The following CDH13 variants were observed in gnomAD, a reference collection of about 807,000 sequenced individuals.
CDH13 encodes cadherin 13.
Under a neutral mutation model 63.8 loss-of-function variants are expected in CDH13, and 24 were observed. That is an observed-to-expected ratio of 0.38 (90% CI 0.27 to 0.53). CDH13 has a LOEUF of 0.53. Ranked by LOEUF, CDH13 falls within the 20% of genes least tolerant of loss-of-function variation. The probability of loss-of-function intolerance (pLI) is 0.85; values close to 1 mark genes in which losing one functional copy is unlikely to be tolerated. For missense variants in CDH13, 1,049 were observed against 903.1 expected (o/e 1.16, Z -2.07); for synonymous variants, 503 against 355.3 (o/e 1.42, Z -4.67).
chr16:83,032,250 A>G, intron 3 of CDH13, 32 bp downstream of exon 3: 1 of 1,559,818 alleles, frequency 6.4e-7, no homozygotes, highest in Non-Finnish European at 8.8e-7. Context: ...ACTTGGGTTC[A>G]AGGAGGACAT....
intron 3 of CDH13, among the ~76,000 whole-genome samples, chr16:83,072,396 C>A (rs2032505541): frequency 6.6e-6 from 1 of 152,152 alleles, no homozygotes; most frequent in South Asian, 2.1e-4. Flanking sequence ...ACAATATGAT[C>A]CTGTCTTCCA....
At chr16:82,816,695 A>AAAACGAGG (rs142741780) in intron 1 of CDH13, among the ~76,000 whole-genome samples, 1 of 146,176 alleles carries the variant, frequency 6.8e-6, no homozygotes, top group Non-Finnish European at 1.5e-5. Context: ...ATGAACTTCA[A>AAAACGAGG]AAACGAAGAT....
intron 2 of CDH13, among the ~76,000 whole-genome samples, chr16:83,015,723 A>ATATATATATATATATATAT (rs1293160001): frequency 4.0e-5 from 5 of 125,698 alleles, no homozygotes; most frequent in African/African-American, 5.9e-5. Context: ...ATATATATAT[A>ATATATATATATATATATAT]AAGAAAAAGC....
chr16:82,908,264 G>T (rs1451767064), intron 2 of CDH13, among the ~76,000 whole-genome samples: 1 of 151,796 alleles, frequency 6.6e-6, no homozygotes, highest in African/African-American at 2.4e-5. Flanking sequence ...GAGGGAGGAG[G>T]TGCCTTCTTT....
chr16:83,643,999 C>T (rs1911557788), intron 8 of CDH13, among the ~76,000 whole-genome samples: 1 of 152,216 alleles, frequency 6.6e-6, no homozygotes. Context: ...ATCTTCAGAT[C>T]TTTAACATAA....
chr16:83,617,025 G>A (rs1410449720), intron 8 of CDH13, among the ~76,000 whole-genome samples: 1 of 152,076 alleles, frequency 6.6e-6, no homozygotes, highest in Non-Finnish European at 1.5e-5. Flanking sequence ...CAGGCACTTT[G>A]TTACTTCCTC....
At chr16:82,977,220 G>T (rs1037741519) in intron 2 of CDH13, among the ~76,000 whole-genome samples, 2 of 152,158 alleles carry the variant, frequency 1.3e-5, no homozygotes, top group Non-Finnish European at 2.9e-5. Flanking sequence ...CATGGACCCA[G>T]TGTCCTTTGT....
chr16:82,836,118 T>C (rs2038755868), intron 1 of CDH13, among the ~76,000 whole-genome samples: 1 of 152,080 alleles, frequency 6.6e-6, no homozygotes, highest in African/African-American at 2.4e-5. Flanking sequence ...TCATTTTGCA[T>C]TTTGTTTGCT....
intron 5 of CDH13, among the ~76,000 whole-genome samples, chr16:83,236,231 G>T (rs943926514): frequency 6.9e-5 from 3 of 43,250 alleles, no homozygotes; most frequent in Non-Finnish European, 1.3e-4. Flanking sequence ...CAACACACAC[G>T]CACATGCACA....
intron 1 of CDH13, among the ~76,000 whole-genome samples, chr16:82,631,477 G>T (rs1190802241): frequency 6.6e-6 from 1 of 152,232 alleles, no homozygotes; most frequent in Non-Finnish European, 1.5e-5. Flanking sequence ...CAGCTGGACA[G>T]AATCAAACCA....
chr16:83,754,351 T>C (rs1423591106), intron 11 of CDH13, among the ~76,000 whole-genome samples: 1 of 152,184 alleles, frequency 6.6e-6, no homozygotes, highest in African/African-American at 2.4e-5. Context: ...CTCCAGACTT[T>C]CAATCAAAAT....
At chr16:82,650,166 G>A (rs1003004523) in intron 1 of CDH13, among the ~76,000 whole-genome samples, 1 of 152,200 alleles carries the variant, frequency 6.6e-6, no homozygotes, top group African/African-American at 2.4e-5. Flanking sequence ...GTGTAAAATA[G>A]GATGCATGGC....
chr16:82,797,918 G>A (rs2036668654), intron 1 of CDH13, among the ~76,000 whole-genome samples: 1 of 152,010 alleles, frequency 6.6e-6, no homozygotes, highest in Non-Finnish European at 1.5e-5. Context: ...TTTGCAATAT[G>A]TCCTTACTAC....
At chr16:82,993,991 T>A (rs1361841968) in intron 2 of CDH13, among the ~76,000 whole-genome samples, 2 of 152,140 alleles carry the variant, frequency 1.3e-5, no homozygotes, top group Non-Finnish European at 2.9e-5. Flanking sequence ...TCCCCATCAT[T>A]ATATCCCTTT....
chr16:83,453,844 A>AAGGG (rs2072950580), intron 6 of CDH13, among the ~76,000 whole-genome samples: 1 of 152,150 alleles, frequency 6.6e-6, no homozygotes, highest in Non-Finnish European at 1.5e-5. Flanking sequence ...TGTTCAGGGG[A>AAGGG]CCATATGTGC....
At chr16:83,322,190 CATT>C (rs750248015) in intron 5 of CDH13, among the ~76,000 whole-genome samples, 1 of 152,166 alleles carries the variant, frequency 6.6e-6, no homozygotes, top group Non-Finnish European at 1.5e-5. Context: ...GCTACAGACA[CATT>C]ATGTCGATGA....
intron 2 of CDH13, among the ~76,000 whole-genome samples, chr16:82,951,109 G>C (rs1219039345): frequency 6.6e-6 from 1 of 152,110 alleles, no homozygotes; most frequent in Non-Finnish European, 1.5e-5. Flanking sequence ...GAGGGCACAG[G>C]TCACAATGGC....
At position 83,428,086 on chromosome 16, in the gene CDH13, T is replaced by G. The variant is rs376792535; in HGVS notation, c.782-58391T>G. On this transcript the variant is annotated intron_variant, in intron 6 of 13. Transcript: ENST00000567109. ...GATGACACAGAGAGGGTCATTTATG[T>G]TCATAAGTTGGGGCGAAAGCTCCAC... Among the ~76,000 whole-genome samples, 105 of 152,318 alleles carry G rather than the reference T, an allele frequency of 6.9e-4. 1 individual carries two copies. The highest frequency in any genetic ancestry group is 2.5e-3 in the African/African-American group (102 of 41,564).
intron 1 of CDH13, among the ~76,000 whole-genome samples, chr16:82,732,025 C>G (rs183696274): frequency 6.6e-6 from 1 of 152,282 alleles, no homozygotes; most frequent in East Asian, 1.9e-4. Flanking sequence ...AATGTGACTT[C>G]TTCAAAAAAG....
Sources: gnomAD v4.1 joint callset for allele counts (sites outside exome capture counted in the v4.1 genomes callset) on GRCh38, gnomAD v4.1.1 for gene constraint, MANE v1.5 for transcripts, NCBI Gene and HGNC (gene_info 2026-07-23, HGNC 2026-07-21) for gene names.